Variants in FBXW4 observed in about 807,000 individuals in gnomAD.
FBXW4 encodes the protein F-box and WD repeat domain containing 4, also known as F-box/WD repeat-containing protein 4.
Under a neutral mutation model 61.8 loss-of-function variants are expected in FBXW4, and 40 were observed. The observed-to-expected ratio is 0.65, with a 90% CI of 0.50 to 0.84. The LOEUF (loss-of-function observed/expected upper bound fraction) is 0.84, where lower values mean the gene tolerates loss of function less well. Among genes scored for constraint, FBXW4 ranks in the 40% least tolerant of loss-of-function variants. The pLI, the probability that FBXW4 is intolerant of heterozygous loss-of-function variation, is 0.00. For synonymous variants in FBXW4, 311 were observed against 313.8 expected, an observed-to-expected ratio of 0.99 and a Z score of 0.10; for missense variants, 672 against 753.8, an observed-to-expected ratio of 0.89 and a Z score of 1.27.
intron 5 of FBXW4, among the ~76,000 whole-genome samples, chr10:101,654,015 G>T (rs2064165152): frequency 6.6e-6 from 1 of 151,760 alleles, no homozygotes; most frequent in Admixed American, 6.6e-5. Flanking sequence ...CAGCTACTTG[G>T]GAGGCTGAGG....
Position 101,694,447 on chromosome 10 carries a change from T to TCGC in FBXW4, c.656_658dup (p.Cys219_Asp220insGly), listed in dbSNP as rs765140285. 4 of 1,536,004 alleles carry TCGC rather than the reference T, an allele frequency of 2.6e-6. No individual in the cohort carries two copies. In the South Asian group the frequency reaches 4.8e-5, roughly 19 times the overall value. Reference sequence around the variant, plus strand: ...CCGGGCTATCCGGCGCCAGAGCAGATCGCAGCTGGTGAAGCGCCGCAGCCA... The same window carrying TCGC: ...CCGGGCTATCCGGCGCCAGAGCAGATCGCCGCAGCTGGTGAAGCGCCGCAGCCA... On this transcript the variant is annotated inframe_insertion, in exon 1 of 9. Transcript: ENST00000331272. This position sits in a 1 kb window ranked among gnomAD's most constrained non-coding sequence, Gnocchi z 6.0.
chr10:101,630,377 T>C (rs2063941829), intron 5 of FBXW4, among the ~76,000 whole-genome samples: 1 of 152,116 alleles, frequency 6.6e-6, no homozygotes, highest in South Asian at 2.1e-4. Flanking sequence ...GCAGCAAAGG[T>C]CACAGGCCTC....
At chr10:101,625,362 G>A (rs1444223962) in intron 5 of FBXW4, 1 of 158,562 alleles carries the variant, frequency 6.3e-6, no homozygotes, top group Admixed American at 6.0e-5. Flanking sequence ...TGAAAGATGA[G>A]TGAATCCCTT....
At chr10:101,615,370 G>A (rs1205285017) in intron 6 of FBXW4, among the ~76,000 whole-genome samples, 1 of 151,938 alleles carries the variant, frequency 6.6e-6, no homozygotes, top group African/African-American at 2.4e-5. Context: ...TAAGGGCTGG[G>A]GGCCTCCACA....
chr10:101,620,970 C>G (rs1386221847), intron 6 of FBXW4, among the ~76,000 whole-genome samples: 1 of 152,144 alleles, frequency 6.6e-6, no homozygotes, highest in Non-Finnish European at 1.5e-5. Context: ...CAGAAGAGGC[C>G]ATTCAAAGAT....
chr10:101,639,792 C>T (rs548836893), intron 5 of FBXW4, among the ~76,000 whole-genome samples: 15 of 152,294 alleles, frequency 9.8e-5, no homozygotes, highest in Non-Finnish European at 1.8e-4. Flanking sequence ...ATGAGCACCC[C>T]AGAAGGATAA....
intron 5 of FBXW4, among the ~76,000 whole-genome samples, chr10:101,642,925 T>C (rs1368687247): frequency 6.6e-6 from 1 of 152,174 alleles, no homozygotes; most frequent in African/African-American, 2.4e-5. Flanking sequence ...CGCACATACA[T>C]ACATACCTGT....
At chr10:101,688,188 A>G (rs986804551) in intron 1 of FBXW4, among the ~76,000 whole-genome samples, 1 of 152,244 alleles carries the variant, frequency 6.6e-6, no homozygotes, top group African/African-American at 2.4e-5. Flanking sequence ...CAAGGAATGG[A>G]AAGTCAACAG....
chr10:101,660,448 C>T (rs1275526254), intron 5 of FBXW4, among the ~76,000 whole-genome samples: 1 of 152,110 alleles, frequency 6.6e-6, no homozygotes, highest in Non-Finnish European at 1.5e-5. Context: ...TCAGAGGCTT[C>T]CCGGCTGCTC....
chr10:101,651,486 T>C (rs1048237083), intron 5 of FBXW4, among the ~76,000 whole-genome samples: 1 of 152,308 alleles, frequency 6.6e-6, no homozygotes. Context: ...GAGAAAGTGG[T>C]GAATCAGGGA....
intron 5 of FBXW4, among the ~76,000 whole-genome samples, chr10:101,651,531 C>G (rs1011470184): frequency 6.6e-6 from 1 of 152,060 alleles, no homozygotes; most frequent in Admixed American, 6.5e-5. Flanking sequence ...TCTTTTGAAA[C>G]CAGGAGGCAG....
Position 101,649,008 on chromosome 10 carries a change from G to A in FBXW4, c.1235+18878C>T, listed in dbSNP as rs949254669. Among the ~76,000 whole-genome samples, 3 of 152,056 alleles carry A rather than the reference G, an allele frequency of 2.0e-5. No individual in the cohort carries two copies. In the East Asian group the frequency reaches 5.8e-4, roughly 29 times the overall value. ...TTTAAATCCCTGGGTGCTCCACAAA[G>A]TTACCAAGAGCAATTCCTGCTTCTT... is the stretch of plus-strand genomic sequence containing the variant. On this transcript the variant is annotated intron_variant, in intron 5 of 8. Transcript: ENST00000331272.
Position 101,665,035 on chromosome 10 carries a change from C to T in FBXW4, c.1235+2851G>A, listed in dbSNP as rs76593257. ...GGCAAAACAGAACTCATCTCCCAGACTGCTTTAAAGAACAGACCCTGAGGC... is the reference window on the plus strand; with the variant it reads ...GGCAAAACAGAACTCATCTCCCAGATTGCTTTAAAGAACAGACCCTGAGGC... On this transcript the variant is annotated intron_variant, in intron 5 of 8. Coordinates refer to ENST00000331272, the MANE Select transcript of FBXW4 (RefSeq NM_022039.4). Among the ~76,000 whole-genome samples, 70 of 152,254 alleles carry T rather than the reference C, an allele frequency of 4.6e-4. 1 individual carries two copies. In the East Asian group the frequency reaches 0.013, roughly 28 times the overall value.
At chr10:101,674,049 G>T (rs1442697706) in intron 2 of FBXW4, among the ~76,000 whole-genome samples, 1 of 152,158 alleles carries the variant, frequency 6.6e-6, no homozygotes, top group East Asian at 1.9e-4. Context: ...GAAATCTTCA[G>T]CCAGGCACAG....
intron 1 of FBXW4, among the ~76,000 whole-genome samples, chr10:101,677,022 G>A (rs2064418515): frequency 6.6e-6 from 1 of 152,168 alleles, no homozygotes; most frequent in Non-Finnish European, 1.5e-5. Context: ...ACAGGAATTT[G>A]TACCGTGATG....
rs138185908 is a variant in FBXW4, at chr10:101,634,418, T to C, written c.1236-9608A>G. ...CTACACAAGATTTTTACTTAATCAA[T>C]TGATTCTAAAATTCATCTAGAAGAG... On this transcript the variant is annotated intron_variant, in intron 5 of 8. Transcript: ENST00000331272. Among the ~76,000 whole-genome samples, 907 of 149,288 alleles carry C rather than the reference T, an allele frequency of 6.1e-3. 68 individuals are homozygous for C. The highest frequency in any genetic ancestry group is 0.017 in the Middle Eastern group (5 of 294).
chr10:101,636,642 T>TA (rs1459833725), intron 5 of FBXW4, among the ~76,000 whole-genome samples: 2 of 151,544 alleles, frequency 1.3e-5, no homozygotes, highest in African/African-American at 4.8e-5. Flanking sequence ...GGCTGGAGTG[T>TA]AATGGTGCAA....
chr10:101,687,102 G>A (rs1321115598), intron 1 of FBXW4, among the ~76,000 whole-genome samples: 1 of 152,140 alleles, frequency 6.6e-6, no homozygotes, highest in African/African-American at 2.4e-5. Flanking sequence ...ATTCCTTTCA[G>A]TGAAACAGCT....
chr10:101,673,985 T>C (rs1290072878), intron 2 of FBXW4, among the ~76,000 whole-genome samples: 1 of 152,154 alleles, frequency 6.6e-6, no homozygotes, highest in African/African-American at 2.4e-5. Context: ...AGACTTCTCA[T>C]GGGTACGCAG....
Sources: gnomAD v4.1 joint callset for allele counts (sites outside exome capture counted in the v4.1 genomes callset) on GRCh38, gnomAD v4.1.1 for gene constraint, Gnocchi (gnomAD v3.1) non-coding constraint, MANE v1.5 for transcripts, NCBI Gene and HGNC (gene_info 2026-07-23, HGNC 2026-07-21) for gene names.